The following SYNPR variants were observed in gnomAD, a reference collection of about 807,000 sequenced individuals.
SYNPR encodes synaptoporin.
In SYNPR, 23 loss-of-function variants were observed where a neutral mutation model predicts 32.9. The observed-to-expected ratio is 0.70, with a 90% CI of 0.50 to 0.99. The LOEUF (loss-of-function observed/expected upper bound fraction) is 0.99, where lower values mean the gene tolerates loss of function less well. SYNPR is among the 50% of genes least tolerant of loss of function. SYNPR has a pLI of 0.00. For synonymous variants in SYNPR, 146 were observed against 135.9 expected (o/e 1.07, Z -0.52); for missense variants, 318 against 349.3 (o/e 0.91, Z 0.71).
chr3:63,367,343 T>TTATTTATTTATTTATGTATG (rs373077968), intron 2 of SYNPR, among the ~76,000 whole-genome samples: 1 of 85,400 alleles, frequency 1.2e-5, no homozygotes, highest in African/African-American at 6.1e-5. Context: ...CACTGTTGAA[T>TTATTTATTTATTTATGTATG]TATTTATTTA....
intron 2 of SYNPR, among the ~76,000 whole-genome samples, chr3:63,349,399 C>A (rs1294736012): frequency 6.6e-6 from 1 of 152,216 alleles, no homozygotes; most frequent in Non-Finnish European, 1.5e-5. Flanking sequence ...CGCGCCTGGC[C>A]AACAACATTA....
chr3:63,227,084 T>C (rs1340602933), upstream of SYNPR, among the ~76,000 whole-genome samples: 1 of 152,158 alleles, frequency 6.6e-6, no homozygotes, highest in Non-Finnish European at 1.5e-5. Flanking sequence ...CTATAATACA[T>C]CTCAACAAAG....
At position 63,543,990 on chromosome 3, in the gene SYNPR, C is replaced by T. The variant is rs148682765; in HGVS notation, c.210-12553C>T. 3.2e-3 allele frequency among the ~76,000 whole-genome samples: 480 copies of T among 152,116 alleles called. 2 individuals carry two copies. Among genetic ancestry groups the T allele is most frequent in the African/African-American group, 0.011 (464 of 41,508 alleles). On this transcript the variant is annotated intron_variant, in intron 3 of 5. Transcript: ENST00000478300. ...GGGCATGATGGTAGCAAAGGAGTGG[C>T]CATGATCCAGGTGACGTCCATCTTT...
At chr3:63,530,502 G>A (rs1308439987) in intron 3 of SYNPR, among the ~76,000 whole-genome samples, 1 of 152,200 alleles carries the variant, frequency 6.6e-6, no homozygotes, top group Non-Finnish European at 1.5e-5. Flanking sequence ...GAATTGCTGT[G>A]ATGACTAATT....
intron 3 of SYNPR, among the ~76,000 whole-genome samples, chr3:63,513,091 GGA>G (rs1234671799): frequency 2.7e-5 from 4 of 146,750 alleles, no homozygotes; most frequent in Admixed American, 6.9e-5. Flanking sequence ...GCCTGGGAAA[GGA>G]GAAATACACC....
chr3:63,276,588 A>G (rs17374379), upstream of SYNPR, among the ~76,000 whole-genome samples: 45,323 of 151,262 alleles, frequency 0.3, 8,135 homozygotes, highest in Non-Finnish European at 0.4. Context: ...CATACATGGT[A>G]GGGTACACAC....
chr3:63,363,949 A>G (rs534872716), intron 2 of SYNPR, among the ~76,000 whole-genome samples: 44 of 152,312 alleles, frequency 2.9e-4, no homozygotes, highest in African/African-American at 1.1e-3. Context: ...TATGAAAAGG[A>G]AATTTATCAC....
chr3:63,410,517 G>A (rs1410981250), intron 2 of SYNPR, among the ~76,000 whole-genome samples: 3 of 152,184 alleles, frequency 2.0e-5, no homozygotes, highest in Non-Finnish European at 4.4e-5. Flanking sequence ...CCAAAAGGAA[G>A]ATGAGCAAGA....
chr3:63,257,040 A>G (rs2086390355), intron 2 of SYNPR, among the ~76,000 whole-genome samples: 1 of 152,158 alleles, frequency 6.6e-6, no homozygotes, highest in African/African-American at 2.4e-5. Flanking sequence ...AAAGAAATGA[A>G]CAAAGGCCTC....
At chr3:63,230,987 T>G (rs1245200936) in intron 1 of SYNPR, among the ~76,000 whole-genome samples, 1 of 152,004 alleles carries the variant, frequency 6.6e-6, no homozygotes, top group East Asian at 1.9e-4. Context: ...AAGAGAGAAA[T>G]GCACTACTAG....
At chr3:63,600,445 T>C (rs1700023945) in intron 4 of SYNPR, among the ~76,000 whole-genome samples, 1 of 152,108 alleles carries the variant, frequency 6.6e-6, no homozygotes, top group Admixed American at 6.5e-5. Context: ...TGGTGTCAGG[T>C]TATTTGTTCC....
intron 2 of SYNPR, among the ~76,000 whole-genome samples, chr3:63,343,748 G>C (rs920259282): frequency 6.6e-6 from 1 of 152,186 alleles, no homozygotes; most frequent in Non-Finnish European, 1.5e-5. Context: ...AGGGTTTCTT[G>C]AGAAGGCTTT....
chr3:63,209,576 G>C, the SYNPR span, among the ~76,000 whole-genome samples: 3 of 152,112 alleles, frequency 2.0e-5, no homozygotes, highest in African/African-American at 7.2e-5. Context: ...GGGTTTAGCC[G>C]TATTGCCTTT....
At chr3:63,573,547 G>A (rs1473372567) in intron 4 of SYNPR, among the ~76,000 whole-genome samples, 2 of 152,124 alleles carry the variant, frequency 1.3e-5, no homozygotes, top group Non-Finnish European at 2.9e-5. Context: ...ATGAATGCTG[G>A]GAGCAGCTTT....
At chr3:63,539,874 G>A (rs1702269064) in intron 3 of SYNPR, among the ~76,000 whole-genome samples, 1 of 152,066 alleles carries the variant, frequency 6.6e-6, no homozygotes, top group African/African-American at 2.4e-5. Flanking sequence ...CAGAGAGGCT[G>A]GGCCATCTAC....
chr3:63,358,916 T>C (rs1193816885), intron 2 of SYNPR, among the ~76,000 whole-genome samples: 1 of 152,148 alleles, frequency 6.6e-6, no homozygotes, highest in Non-Finnish European at 1.5e-5. Flanking sequence ...CTGTTGAACA[T>C]AAGCACTTTA....
chr3:63,260,917 A>G (rs962719737), intron 2 of SYNPR, among the ~76,000 whole-genome samples: 1 of 152,190 alleles, frequency 6.6e-6, no homozygotes, highest in African/African-American at 2.4e-5. Context: ...ATATGAACAG[A>G]CACTTCTCAA....
chr3:63,546,987 T>C lies in SYNPR; in HGVS notation c.210-9556T>C, dbSNP rs570513927. Among the ~76,000 whole-genome samples, 158 of 152,246 alleles carry C rather than the reference T, an allele frequency of 1.0e-3. 1 individual carries two copies. Among genetic ancestry groups the C allele is most frequent in the African/African-American group, 3.2e-3 (133 of 41,562 alleles). On this transcript the variant is annotated intron_variant, in intron 3 of 5. Transcript: ENST00000478300. ...GGAAAATGCCATTTATCCGAAGATA[T>C]GGAGTTCATCTCTTGAGTCTGGCAT...
At chr3:63,385,037 T>G (rs758333877) in intron 2 of SYNPR, among the ~76,000 whole-genome samples, 3 of 152,156 alleles carry the variant, frequency 2.0e-5, no homozygotes, top group Non-Finnish European at 4.4e-5. Context: ...CAACTACAGT[T>G]TTATGACCTA....
Sources: gnomAD v4.1 joint callset for allele counts (sites outside exome capture counted in the v4.1 genomes callset) on GRCh38, gnomAD v4.1.1 for gene constraint, MANE v1.5 for transcripts, NCBI Gene and HGNC (gene_info 2026-07-23, HGNC 2026-07-21) for gene names.